The following PTPRD variants were observed in gnomAD, a reference collection of about 807,000 sequenced individuals.
The protein encoded by PTPRD is receptor-type tyrosine-protein phosphatase delta.
In PTPRD, 34 loss-of-function variants were observed where a neutral mutation model predicts 214.5. The ratio of observed to expected loss-of-function variants is 0.16; its 90% CI spans 0.12 to 0.21. The LOEUF is 0.21. PTPRD is among the 10% of genes least tolerant of loss of function. PTPRD has a pLI of 1.00. For synonymous variants in PTPRD, 1,128 were observed against 845.7 expected, an observed-to-expected ratio of 1.33 and a Z score of -5.79; for missense variants, 2,545 against 2,398.7, an observed-to-expected ratio of 1.06 and a Z score of -1.27.
rs139050908 is a variant in PTPRD at position 8,562,555 on chromosome 9, G to C, written c.353-33776C>G. 2.9e-4 allele frequency among the ~76,000 whole-genome samples: 44 copies of C among 152,098 alleles called. No individual in the cohort carries two copies. The East Asian group carries it at 7.9e-3, about 27-fold the overall frequency. On this transcript the variant is annotated intron_variant, in intron 14 of 45. Coordinates refer to ENST00000381196, the MANE Select transcript of PTPRD (RefSeq NM_002839.4). ...AGGTTCAAGTGATCTTCCCACCTCA[G>C]CCTTCCAAGTAGGTGGGACTACAGA...
chr9:10,020,178 G>A (rs1027270344), intron 4 of PTPRD, among the ~76,000 whole-genome samples: 9 of 152,106 alleles, frequency 5.9e-5, no homozygotes, highest in African/African-American at 1.9e-4. Context: ...TAACCAAACA[G>A]TATTTTTAAA....
intron 5 of PTPRD, among the ~76,000 whole-genome samples, chr9:9,848,697 T>G (rs1018813052): frequency 6.6e-6 from 1 of 152,048 alleles, no homozygotes; most frequent in African/African-American, 2.4e-5. Flanking sequence ...ACAAAATAGA[T>G]AAATATCAAA....
chr9:9,445,789 C>T (rs2090188453), intron 8 of PTPRD, among the ~76,000 whole-genome samples: 1 of 151,968 alleles, frequency 6.6e-6, no homozygotes, highest in Non-Finnish European at 1.5e-5. Flanking sequence ...GGGGACACAG[C>T]CAAACCATAT....
intron 9 of PTPRD, among the ~76,000 whole-genome samples, chr9:9,308,565 G>C (rs1331583128): frequency 4.6e-5 from 7 of 152,224 alleles, no homozygotes; most frequent in Middle Eastern, 3.4e-3. Flanking sequence ...ATCTGGAATA[G>C]AGCCAACCTA....
Position 8,499,855 on chromosome 9 carries a change from T to G in PTPRD, c.2129-15A>C. On this transcript the variant is annotated splice_polypyrimidine_tract_variant and intron_variant, in intron 24 of 45. Transcript: ENST00000381196. The stretch of plus-strand genomic sequence containing the variant: ...ACCACTAGGAACTGGAACAACATCA[T>G]TGGATAAAAGAAATTATAGGCACTT... 1 of 1,592,124 alleles carries G rather than the reference T, an allele frequency of 6.3e-7. No individual in the cohort carries two copies. The highest frequency in any genetic ancestry group is 1.1e-5 in the South Asian group (1 of 87,506).
At chr9:8,893,484 T>A (rs780206212) in intron 11 of PTPRD, among the ~76,000 whole-genome samples, 1 of 152,174 alleles carries the variant, frequency 6.6e-6, no homozygotes, top group Non-Finnish European at 1.5e-5. Context: ...AGAAACACCA[T>A]TTCACTCTCA....
chr9:9,865,876 G>A (rs1232239813), intron 5 of PTPRD, among the ~76,000 whole-genome samples: 3 of 152,236 alleles, frequency 2.0e-5, no homozygotes, highest in East Asian at 1.9e-4. Context: ...TCCTCATGTC[G>A]TTTTTATCTG....
In PTPRD at chr9:9,648,083, C is replaced by T. The variant is rs113202123; in HGVS notation, c.-286-73302G>A. Among the ~76,000 whole-genome samples the T allele has an allele frequency of 9.1e-3, 1,380 of 152,216 alleles. 22 individuals are homozygous for T. The highest frequency in any genetic ancestry group is 0.032 in the African/African-American group (1,333 of 41,530). On this transcript the variant is annotated intron_variant, in intron 7 of 45. Coordinates refer to ENST00000381196, the MANE Select transcript of PTPRD (RefSeq NM_002839.4). ...CTACCAAGTTACGACAATTGGACTT[C>T]TCCCCTCATCACTATATTCTGAAAG...
intron 3 of PTPRD, among the ~76,000 whole-genome samples, chr9:10,120,653 A>G (rs757526936): frequency 2.3e-5 from 3 of 128,890 alleles, no homozygotes; most frequent in Non-Finnish European, 5.0e-5. Flanking sequence ...ACATCCATCA[A>G]TATTATATAA....
At chr9:9,551,460 T>C (rs2080215498) in intron 8 of PTPRD, among the ~76,000 whole-genome samples, 1 of 151,912 alleles carries the variant, frequency 6.6e-6, no homozygotes, top group Non-Finnish European at 1.5e-5. Context: ...TTTTATTCTA[T>C]ACATAACACA....
intron 11 of PTPRD, among the ~76,000 whole-genome samples, chr9:8,735,024 C>A (rs1183846969): frequency 6.6e-6 from 1 of 151,982 alleles, no homozygotes; most frequent in Admixed American, 6.6e-5. Context: ...GGTCAGCATG[C>A]ACGGGGCCCC....
chr9:9,696,533 C>T (rs987506132), intron 7 of PTPRD, among the ~76,000 whole-genome samples: 2 of 152,040 alleles, frequency 1.3e-5, no homozygotes, highest in Non-Finnish European at 2.9e-5. Flanking sequence ...TCATGGGACT[C>T]ATCCTTTTAT....
chr9:9,878,517 G>A (rs2067592440), intron 5 of PTPRD, among the ~76,000 whole-genome samples: 1 of 152,180 alleles, frequency 6.6e-6, no homozygotes. Flanking sequence ...AAATGTAATA[G>A]CAGACAAATT....
intron 5 of PTPRD, among the ~76,000 whole-genome samples, chr9:9,822,863 G>C (rs1308533697): frequency 2.0e-5 from 3 of 152,114 alleles, no homozygotes; most frequent in East Asian, 3.9e-4. Flanking sequence ...ATACACTGTT[G>C]GTGGGAATGT....
chr9:9,700,463 A>G (rs1000359341), intron 7 of PTPRD, among the ~76,000 whole-genome samples: 5 of 152,152 alleles, frequency 3.3e-5, no homozygotes, highest in Admixed American at 3.3e-4. Context: ...AAGGCACTCT[A>G]CATGGTTTTG....
At chr9:10,354,162 C>G (rs1597875284) in intron 2 of PTPRD, among the ~76,000 whole-genome samples, 1 of 152,050 alleles carries the variant, frequency 6.6e-6, no homozygotes, top group African/African-American at 2.4e-5. Flanking sequence ...ATACAAATAT[C>G]CCTAAACAAT....
intron 12 of PTPRD, among the ~76,000 whole-genome samples, chr9:8,650,889 T>A (rs568788288): frequency 5.3e-5 from 8 of 152,136 alleles, no homozygotes; most frequent in Admixed American, 2.0e-4. Flanking sequence ...TTTTTTTTTT[T>A]AATTCATTTC....
rs1187908591 is a variant in PTPRD at position 9,947,425 on chromosome 9, TTATA to T, written c.-471-8819_-471-8816del. On this transcript the variant is annotated intron_variant, in intron 4 of 45. Coordinates refer to ENST00000381196, the MANE Select transcript of PTPRD (RefSeq NM_002839.4). ...ATATAATATATATTTTATATATATA[TTATA>T]TATATATTATATATTTTATATATTT... is the stretch of plus-strand genomic sequence containing the variant. Among the ~76,000 whole-genome samples, 33 of 32,844 alleles carry T rather than the reference TTATA, an allele frequency of 1.0e-3. 1 individual carries two copies. In the South Asian group the frequency reaches 0.023, roughly 23 times the overall value. The allele number at this position is 32,844 out of a possible 152,430, so 21.5% of individuals were successfully genotyped here. A position where few individuals can be genotyped will look rare whatever the true frequency, so the allele number is the denominator to read the frequency against.
At chr9:9,665,062 T>C (rs1344662550) in intron 7 of PTPRD, among the ~76,000 whole-genome samples, 1 of 151,724 alleles carries the variant, frequency 6.6e-6, no homozygotes, top group African/African-American at 2.4e-5. Context: ...TATTTGTTTG[T>C]ATTAAGGAGA....
Sources: gnomAD v4.1 joint callset for allele counts (sites outside exome capture counted in the v4.1 genomes callset) on GRCh38, gnomAD v4.1.1 for gene constraint, MANE v1.5 for transcripts, NCBI Gene and HGNC (gene_info 2026-07-23, HGNC 2026-07-21) for gene names.